ANGPT1: variants seen among roughly 807,000 people sequenced by gnomAD.
ANGPT1 encodes the protein angiopoietin 1.
A neutral mutation model predicts 62.2 loss-of-function variants in ANGPT1; 17 were observed. The observed-to-expected ratio is 0.27, with a 90% confidence interval of 0.19 to 0.41. The LOEUF is 0.41. Ranked by LOEUF, ANGPT1 falls within the 10% of genes least tolerant of loss-of-function variation. The pLI, the probability that ANGPT1 is intolerant of heterozygous loss-of-function variation, is 1.00. For synonymous variants in ANGPT1, 199 were observed against 198.9 expected, an observed-to-expected ratio of 1.00 and a Z score of 0.00; for missense variants, 478 against 594.9, an observed-to-expected ratio of 0.80 and a Z score of 2.04.
rs1308600066 is a variant in ANGPT1, at chr8:107,257,886, TGTTTG to T, written c.1337-5876_1337-5872del. Among the ~76,000 whole-genome samples the T allele has an allele frequency of 1.3e-3, 135 of 103,572 alleles. 4 individuals are homozygous for T. Among genetic ancestry groups the T allele is most frequent in the Middle Eastern group, 6.4e-3 (1 of 156 alleles). The allele number at this position is 103,572 out of a possible 152,430, so 67.9% of individuals were successfully genotyped here. A position where few individuals can be genotyped will look rare whatever the true frequency, so the allele number is the denominator to read the frequency against. The stretch of plus-strand genomic sequence containing the variant: ...CAAGGACTTGTTTTTGTTTCTTTTT[TGTTTG>T]TTTGTTTGTTTGTTTGTTTTTGACT... On this transcript the variant is annotated intron_variant, in intron 8 of 8. Coordinates refer to ENST00000517746, the MANE Select transcript of ANGPT1 (RefSeq NM_001146.5).
intron 1 of ANGPT1, among the ~76,000 whole-genome samples, chr8:107,447,032 C>G (rs569809036): frequency 1.3e-5 from 2 of 152,310 alleles, no homozygotes; most frequent in South Asian, 4.1e-4. Flanking sequence ...CTGTTCCTCT[C>G]TCATAGCCAA....
At chr8:107,293,891 T>A (rs1814344476) in intron 6 of ANGPT1, 45 bp downstream of exon 6, 5 of 1,511,698 alleles carry the variant, frequency 3.3e-6, no homozygotes, top group Non-Finnish European at 4.6e-6. Flanking sequence ...AGAAGATAAC[T>A]TCAAGATAAA....
chr8:107,253,707 C>A (rs1433954931), intron 8 of ANGPT1, among the ~76,000 whole-genome samples: 1 of 151,910 alleles, frequency 6.6e-6, no homozygotes, highest in Non-Finnish European at 1.5e-5. Context: ...CACAGGAGTC[C>A]CAGAGGAGTG....
intron 6 of ANGPT1, among the ~76,000 whole-genome samples, chr8:107,290,682 G>T (rs1814252387): frequency 6.6e-6 from 1 of 152,134 alleles, no homozygotes; most frequent in Non-Finnish European, 1.5e-5. Context: ...AAATGTTGGA[G>T]CTTATCTCAT....
chr8:107,454,918 A>G (rs921231316), intron 1 of ANGPT1, among the ~76,000 whole-genome samples: 1 of 152,066 alleles, frequency 6.6e-6, no homozygotes, highest in Non-Finnish European at 1.5e-5. Context: ...TCTAGGGTGT[A>G]CTTCCTCAAA....
rs948346805 is a variant in ANGPT1, at chr8:107,384,186, T to C, written c.298-37089A>G. The stretch of plus-strand genomic sequence containing the variant: ...ATTCGTTTGACTCAGTGGTTCTCAC[T>C]TACCTCTCATTAGAGTTGTCTGGGG... On this transcript the variant is annotated intron_variant, in intron 1 of 8. Coordinates refer to ENST00000517746, the MANE Select transcript of ANGPT1 (RefSeq NM_001146.5). Among the ~76,000 whole-genome samples, 4 of 152,250 alleles carry C rather than the reference T, an allele frequency of 2.6e-5. No individual in the cohort carries two copies. In the East Asian group the frequency reaches 5.8e-4, roughly 22 times the overall value.
chr8:107,413,219 A>T (rs1563611499), intron 1 of ANGPT1, among the ~76,000 whole-genome samples: 1 of 152,138 alleles, frequency 6.6e-6, no homozygotes, highest in South Asian at 2.1e-4. Context: ...TCAATCAAAA[A>T]ATTGAGTGGC....
intron 1 of ANGPT1, among the ~76,000 whole-genome samples, chr8:107,406,746 C>A (rs1817156256): frequency 6.6e-6 from 1 of 151,886 alleles, no homozygotes; most frequent in Non-Finnish European, 1.5e-5. Context: ...TCATAACTAT[C>A]TTATATGGTT....
intron 1 of ANGPT1, among the ~76,000 whole-genome samples, chr8:107,414,495 A>G (rs1190187256): frequency 6.6e-6 from 1 of 152,176 alleles, no homozygotes; most frequent in Non-Finnish European, 1.5e-5. Context: ...GAATTTAGTG[A>G]CATTACCTTA....
chr8:107,400,423 T>A (rs573019313), intron 1 of ANGPT1, among the ~76,000 whole-genome samples: 2 of 152,172 alleles, frequency 1.3e-5, no homozygotes, highest in Non-Finnish European at 2.9e-5. Context: ...TGAATGAAAG[T>A]TTTTTCACAG....
chr8:107,264,502 C>T, intron 7 of ANGPT1, 151 bp from the exon 8 acceptor site: 1 of 942,218 alleles, frequency 1.1e-6, no homozygotes. Context: ...CCCAAGCTAT[C>T]TGAACCAAAA....
chr8:107,474,990 G>A (rs1011664656), intron 1 of ANGPT1, among the ~76,000 whole-genome samples: 1 of 152,164 alleles, frequency 6.6e-6, no homozygotes, highest in East Asian at 1.9e-4. Context: ...AATCAATATT[G>A]TGAAAATGGC....
At chr8:107,480,990 A>C (rs1812661515) in intron 1 of ANGPT1, among the ~76,000 whole-genome samples, 1 of 152,280 alleles carries the variant, frequency 6.6e-6, no homozygotes, top group Middle Eastern at 3.4e-3. Flanking sequence ...TTATTTGTTG[A>C]CTTTCTGGAG....
chr8:107,299,832 T>TAC lies in ANGPT1; in HGVS notation c.936+3407_936+3408insGT, dbSNP rs1814529713. ...TATACTATATATCTAGATATGTAGT[T>TAC]ATATCTAGATATACTATATATTTAG... On this transcript the variant is annotated intron_variant, in intron 5 of 8. Transcript: ENST00000517746. Among the ~76,000 whole-genome samples the TAC allele has an allele frequency of 2.2e-5, 2 of 89,502 alleles. 1 individual carries two copies. The highest frequency in any genetic ancestry group is 7.9e-5 in the African/African-American group (2 of 25,372). 58.7% of individuals were successfully genotyped at this position (89,502 alleles called of 152,430 possible).
intron 1 of ANGPT1, among the ~76,000 whole-genome samples, chr8:107,380,462 A>C (rs1233778034): frequency 6.6e-6 from 1 of 151,872 alleles, no homozygotes; most frequent in Non-Finnish European, 1.5e-5. Flanking sequence ...TATACTATGC[A>C]TACACATTAG....
At chr8:107,319,232 A>G (rs1815095123) in intron 4 of ANGPT1, among the ~76,000 whole-genome samples, 1 of 152,154 alleles carries the variant, frequency 6.6e-6, no homozygotes, top group African/African-American at 2.4e-5. Context: ...ACATGATGAG[A>G]CAGCTTCCTT....
intron 1 of ANGPT1, among the ~76,000 whole-genome samples, chr8:107,409,945 CCA>C (rs1817229774): frequency 1.4e-5 from 1 of 71,088 alleles, no homozygotes; most frequent in African/African-American, 5.4e-5. Context: ...ATGAATCCAT[CCA>C]TCCATCCATC....
chr8:107,423,288 A>T (rs1403964052), intron 1 of ANGPT1, among the ~76,000 whole-genome samples: 1 of 152,238 alleles, frequency 6.6e-6, no homozygotes, highest in Non-Finnish European at 1.5e-5. Context: ...AATAATGAAT[A>T]CTGAAGTGTG....
intron 1 of ANGPT1, among the ~76,000 whole-genome samples, chr8:107,435,637 A>G (rs1025327800): frequency 6.6e-6 from 1 of 152,210 alleles, no homozygotes; most frequent in Non-Finnish European, 1.5e-5. Flanking sequence ...CTAAGAAGGG[A>G]GGCAGGTAGT....
Sources: allele counts gnomAD v4.1 joint callset (sites outside exome capture counted in the v4.1 genomes callset), GRCh38; gene constraint gnomAD v4.1.1; transcripts MANE v1.5; gene names NCBI Gene and HGNC (gene_info 2026-07-23, HGNC 2026-07-21).